TTLL13: variants seen among roughly 807,000 people sequenced by gnomAD.
TTLL13 encodes the protein tubulin polyglutamylase TTLL13.
the TTLL13 span, among the ~76,000 whole-genome samples, chr15:90,251,124 T>C: frequency 7.2e-6 from 1 of 138,640 alleles, no homozygotes; most frequent in Non-Finnish European, 1.6e-5. Flanking sequence ...CTTTTTTTTT[T>C]TTTTTTTGAG....
chr15:90,253,806 C>T, the TTLL13 span, among the ~76,000 whole-genome samples: 6 of 152,274 alleles, frequency 3.9e-5, no homozygotes, highest in South Asian at 2.1e-4. Context: ...AATGATCCAC[C>T]GGGGTCCACA....
chr15:90,264,187 C>T, the TTLL13 span: 1 of 635,074 alleles, frequency 1.6e-6, no homozygotes, highest in Non-Finnish European at 2.7e-6. Context: ...TTAGGGTACC[C>T]ATTTATTTAC....
At chr15:90,255,097 C>A in the TTLL13 span, among the ~76,000 whole-genome samples, 1 of 152,220 alleles carries the variant, frequency 6.6e-6, no homozygotes, top group East Asian at 1.9e-4. Context: ...TGGCTGTCCC[C>A]CTGTGCAGAC....
At chr15:90,250,504 C>A in the TTLL13 span, 6 of 1,216,044 alleles carry the variant, frequency 4.9e-6, no homozygotes, top group Non-Finnish European at 6.8e-6. Flanking sequence ...GAAGGGGCAG[C>A]AACTTTCCCT....
At chr15:90,256,200 C>T in the TTLL13 span, 2 of 1,614,184 alleles carry the variant, frequency 1.2e-6, no homozygotes, top group Non-Finnish European at 1.7e-6. Flanking sequence ...ATCTGCAAGC[C>T]AGACAGTGGC....
chr15:90,256,631 TTCCTTCC>T, the TTLL13 span, among the ~76,000 whole-genome samples: 1 of 108,108 alleles, frequency 9.3e-6, no homozygotes, highest in East Asian at 2.0e-4. Context: ...CCTTCCTTCC[TTCCTTCC>T]TTCTTTCTTT....
chr15:90,265,039 AAATG>A, the TTLL13 span: 1 of 1,452,848 alleles, frequency 6.9e-7, no homozygotes, highest in Non-Finnish European at 9.1e-7. Context: ...AATCTTTGCT[AAATG>A]AATGACTGCC....
the TTLL13 span, among the ~76,000 whole-genome samples, chr15:90,252,808 G>T: frequency 6.6e-6 from 1 of 152,072 alleles, no homozygotes; most frequent in African/African-American, 2.4e-5. Context: ...TTCGAGACCA[G>T]ACTGGCCAAC....
At chr15:90,259,276 G>C in the TTLL13 span, among the ~76,000 whole-genome samples, 4 of 151,950 alleles carry the variant, frequency 2.6e-5, no homozygotes, top group Non-Finnish European at 5.9e-5. Flanking sequence ...TGTATTCCCA[G>C]CTACTCAGGA....
At chr15:90,253,920 A>G in the TTLL13 span, among the ~76,000 whole-genome samples, 1 of 152,202 alleles carries the variant, frequency 6.6e-6, no homozygotes, top group Non-Finnish European at 1.5e-5. Flanking sequence ...TTCTTTGGGG[A>G]AGCCAGGCAG....
At chr15:90,252,101 G>C in the TTLL13 span, among the ~76,000 whole-genome samples, 2 of 148,162 alleles carry the variant, frequency 1.3e-5, no homozygotes, top group Non-Finnish European at 1.5e-5. Context: ...ATGCAATGGC[G>C]TGATCTCGAC....
At chr15:90,257,115 C>T in the TTLL13 span, 2 of 1,607,230 alleles carry the variant, frequency 1.2e-6, no homozygotes, top group South Asian at 2.2e-5. Flanking sequence ...TTATTATTCC[C>T]TCATGGGTTT....
chr15:90,254,856 GA>G, the TTLL13 span, among the ~76,000 whole-genome samples: 4,711 of 150,562 alleles, frequency 0.031, 229 homozygotes, highest in African/African-American at 0.11. Context: ...AGGGAAGGGG[GA>G]AAAAAAAAGG....
chr15:90,256,606 T>TTTCCTTCC, the TTLL13 span, among the ~76,000 whole-genome samples: 33 of 30,546 alleles, frequency 1.1e-3, no homozygotes, highest in South Asian at 1.6e-3. Context: ...TCTTTCTTTC[T>TTTCCTTCC]TTCCTTCCTT....
At chr15:90,257,852 G>A in the TTLL13 span, 3 of 997,744 alleles carry the variant, frequency 3.0e-6, no homozygotes, top group Admixed American at 6.9e-5. Flanking sequence ...ACCCTGTCCT[G>A]TGCCTGCACT....
At chr15:90,263,990 C>A in the TTLL13 span, 1 of 1,536,130 alleles carries the variant, frequency 6.5e-7, no homozygotes, top group East Asian at 2.4e-5. Context: ...GCCATCAACT[C>A]CTGTTCATTG....
At chr15:90,263,672 C>A in the TTLL13 span, 15 of 605,448 alleles carry the variant, frequency 2.5e-5, no homozygotes, top group Non-Finnish European at 3.8e-5. Flanking sequence ...TTTTCAGTTA[C>A]CTCCTTCTTC....
At chr15:90,256,318 A>C in the TTLL13 span, 10 of 1,613,974 alleles carry the variant, frequency 6.2e-6, no homozygotes, top group Admixed American at 1.2e-4. Context: ...CCTCAGGACC[A>C]TCAGCCTTCC....
the TTLL13 span, chr15:90,259,098 C>T: frequency 3.5e-6 from 5 of 1,412,316 alleles, no homozygotes; most frequent in Non-Finnish European, 4.6e-6. Context: ...CTTGGTGGCT[C>T]ATATCTGTAA....
Sources: allele counts gnomAD v4.1 joint callset (sites outside exome capture counted in the v4.1 genomes callset), GRCh38; gene constraint gnomAD v4.1.1; transcripts MANE v1.5; gene names NCBI Gene and HGNC (gene_info 2026-07-23, HGNC 2026-07-21).